The following CNTNAP2 variants were observed in gnomAD, a reference collection of about 807,000 sequenced individuals.
CNTNAP2 encodes the protein contactin-associated protein-like 2.
Under a neutral mutation model 155.2 loss-of-function variants are expected in CNTNAP2, and 98 were observed. The observed-to-expected ratio is 0.63, with a 90% CI of 0.54 to 0.75. The LOEUF (loss-of-function observed/expected upper bound fraction) is 0.75, where lower values mean the gene tolerates loss of function less well. Among genes scored for constraint, CNTNAP2 ranks in the 30% least tolerant of loss-of-function variants. The pLI is 0.00. For synonymous variants in CNTNAP2, 651 were observed against 631.2 expected, an observed-to-expected ratio of 1.03 and a Z score of -0.47; for missense variants, 1,727 against 1,688.1, an observed-to-expected ratio of 1.02 and a Z score of -0.40.
At chr7:146,433,681 C>T (rs1639439) in intron 1 of CNTNAP2, among the ~76,000 whole-genome samples, 5,425 of 152,164 alleles carry the variant, frequency 0.036, 342 homozygotes, top group African/African-American at 0.12. Flanking sequence ...AAATGCTTCT[C>T]TATACAGATG....
intron 3 of CNTNAP2, among the ~76,000 whole-genome samples, chr7:147,017,362 A>C (rs1218598876): frequency 1.2e-5 from 1 of 86,278 alleles, no homozygotes; most frequent in Non-Finnish European, 2.1e-5. Flanking sequence ...ATTTGAAAAT[A>C]CTGCATTTTT....
chr7:147,206,263 T>TAAAAA (rs36073630), intron 8 of CNTNAP2, among the ~76,000 whole-genome samples: 1 of 139,118 alleles, frequency 7.2e-6, no homozygotes, highest in Non-Finnish European at 1.6e-5. Flanking sequence ...TAAACCTGTA[T>TAAAAA]AAAAAAAAAA....
At chr7:146,460,716 C>A (rs1796623682) in intron 1 of CNTNAP2, among the ~76,000 whole-genome samples, 1 of 151,946 alleles carries the variant, frequency 6.6e-6, no homozygotes, top group Non-Finnish European at 1.5e-5. Flanking sequence ...GTGAAATAAG[C>A]CAGGCACAGA....
intron 14 of CNTNAP2, among the ~76,000 whole-genome samples, chr7:147,953,157 G>A (rs184944657): frequency 1.8e-4 from 28 of 152,236 alleles, no homozygotes; most frequent in East Asian, 5.8e-4. Flanking sequence ...CTCACTTTGC[G>A]TTTTCTTAGT....
At chr7:147,073,835 G>A (rs141007121) in intron 4 of CNTNAP2, among the ~76,000 whole-genome samples, 1 of 152,118 alleles carries the variant, frequency 6.6e-6, no homozygotes, top group African/African-American at 2.4e-5. Context: ...GTTTATGGAA[G>A]GGACGGAAAT....
intron 21 of CNTNAP2, among the ~76,000 whole-genome samples, chr7:148,319,383 T>G (rs916665985): frequency 3.3e-5 from 5 of 152,136 alleles, no homozygotes; most frequent in African/African-American, 1.2e-4. Flanking sequence ...AATATAAAAA[T>G]TATTAAGATA....
chr7:147,933,707 T>A (rs915511643), intron 14 of CNTNAP2, among the ~76,000 whole-genome samples: 1 of 151,952 alleles, frequency 6.6e-6, no homozygotes, highest in Middle Eastern at 3.4e-3. Flanking sequence ...TCTACTAAAA[T>A]ACAAAATTAA....
At chr7:146,574,349 A>T (rs957099928) in intron 1 of CNTNAP2, among the ~76,000 whole-genome samples, 1 of 152,222 alleles carries the variant, frequency 6.6e-6, no homozygotes, top group African/African-American at 2.4e-5. Flanking sequence ...TTTTTGACAT[A>T]AAGTTAAATT....
At chr7:146,568,397 CT>C (rs1371681665) in intron 1 of CNTNAP2, among the ~76,000 whole-genome samples, 6 of 152,252 alleles carry the variant, frequency 3.9e-5, no homozygotes, top group African/African-American at 1.4e-4. Context: ...TTTAGTCCAC[CT>C]ATTTTGTTAA....
intron 2 of CNTNAP2, among the ~76,000 whole-genome samples, chr7:146,818,233 C>G (rs189482747): frequency 6.6e-6 from 1 of 152,146 alleles, no homozygotes; most frequent in African/African-American, 2.4e-5. Flanking sequence ...TCATCTTTAA[C>G]CCCAAATTCA....
At chr7:147,727,434 ACTAT>A (rs1266605257) in intron 13 of CNTNAP2, among the ~76,000 whole-genome samples, 1 of 152,078 alleles carries the variant, frequency 6.6e-6, no homozygotes, top group Non-Finnish European at 1.5e-5. Flanking sequence ...TAATGAGTTA[ACTAT>A]CAGTTGTATA....
intron 21 of CNTNAP2, among the ~76,000 whole-genome samples, chr7:148,333,595 A>C (rs1037817531): frequency 2.0e-5 from 3 of 152,228 alleles, no homozygotes; most frequent in Non-Finnish European, 4.4e-5. Flanking sequence ...AACCTCACAC[A>C]GTATCAGCTA....
chr7:147,123,742 A>G (rs1801167583), intron 6 of CNTNAP2, among the ~76,000 whole-genome samples: 1 of 152,304 alleles, frequency 6.6e-6, no homozygotes, highest in East Asian at 1.9e-4. Flanking sequence ...TTTGTTTAGA[A>G]AAAACCTCAG....
rs1420084249 is a variant in CNTNAP2 at position 146,940,120 on chromosome 7, A to AT, written c.402+100222dup. ...TTAGAATTTTACATCTATACTGCCT[A>AT]TTTTTTAAAATTTAATATTTCATTG... is the stretch of plus-strand genomic sequence containing the variant. On this transcript the variant is annotated intron_variant, in intron 3 of 23. Transcript: ENST00000361727. Among the ~76,000 whole-genome samples the AT allele has an allele frequency of 2.6e-5, 4 of 152,276 alleles. No individual in the cohort carries two copies. In the South Asian group the frequency reaches 8.3e-4, roughly 32 times the overall value.
chr7:146,890,442 A>T (rs1468880902), intron 3 of CNTNAP2, among the ~76,000 whole-genome samples: 1 of 152,162 alleles, frequency 6.6e-6, no homozygotes, highest in Non-Finnish European at 1.5e-5. Context: ...TTCAACATAG[A>T]CATGGCACCA....
intron 9 of CNTNAP2, among the ~76,000 whole-genome samples, chr7:147,328,843 A>G (rs1269759215): frequency 6.6e-6 from 1 of 152,040 alleles, no homozygotes; most frequent in Non-Finnish European, 1.5e-5. Context: ...TGGGAACTGG[A>G]GAGACACAGT....
At chr7:147,270,611 G>C (rs111593900) in intron 8 of CNTNAP2, among the ~76,000 whole-genome samples, 1,870 of 152,238 alleles carry the variant, frequency 0.012, 46 homozygotes, top group African/African-American at 0.042. Context: ...AATAGACCTA[G>C]GGTAGTAGAA....
In CNTNAP2 at chr7:147,794,599, T is replaced by A. The variant is rs552200406; in HGVS notation, c.2099-108966T>A. On this transcript the variant is annotated intron_variant, in intron 13 of 23. Coordinates refer to ENST00000361727, the MANE Select transcript of CNTNAP2 (RefSeq NM_014141.6). ...TCATAAGAGATTTCAGTATGATTTT[T>A]TTCTGGTGATGTCTTTTTCTCGTTT... Among the ~76,000 whole-genome samples the A allele has an allele frequency of 1.9e-3, 285 of 152,076 alleles. 1 individual carries two copies. The highest frequency in any genetic ancestry group is 6.5e-3 in the African/African-American group (272 of 41,558).
intron 1 of CNTNAP2, among the ~76,000 whole-genome samples, chr7:146,518,983 T>G (rs917470092): frequency 7.9e-5 from 12 of 151,940 alleles, no homozygotes; most frequent in Admixed American, 6.6e-4. Context: ...TTTCAATCTG[T>G]CAGTATCACA....
Sources: gnomAD v4.1 joint callset for allele counts (sites outside exome capture counted in the v4.1 genomes callset) on GRCh38, gnomAD v4.1.1 for gene constraint, MANE v1.5 for transcripts, NCBI Gene and HGNC (gene_info 2026-07-23, HGNC 2026-07-21) for gene names.